Variants in GRIK2 observed in about 807,000 individuals in gnomAD.
The protein encoded by GRIK2 is glutamate ionotropic receptor kainate type subunit 2.
In GRIK2, 32 loss-of-function variants were observed where a neutral mutation model predicts 100.3. The observed-to-expected ratio is 0.32, with a 90% CI of 0.24 to 0.43. GRIK2 has a LOEUF of 0.43. GRIK2 is among the 20% of genes least tolerant of loss of function. The pLI is 1.00. For missense variants in GRIK2, 843 were observed against 1,114.9 expected (o/e 0.76, Z 3.47); for synonymous variants, 417 against 389.4 (o/e 1.07, Z -0.83).
chr6:102,025,937 G>A (rs1257513391), intron 14 of GRIK2, among the ~76,000 whole-genome samples: 1 of 150,578 alleles, frequency 6.6e-6, no homozygotes, highest in Admixed American at 6.7e-5. Context: ...ACCTGAAAAG[G>A]CCTGGCGTTA....
At chr6:101,848,491 A>G (rs1214337729) in intron 10 of GRIK2, among the ~76,000 whole-genome samples, 1 of 152,202 alleles carries the variant, frequency 6.6e-6, no homozygotes, top group East Asian at 1.9e-4. Flanking sequence ...TGTTTCATGA[A>G]TGTATTAATG....
chr6:101,757,012 C>A (rs948094300), intron 7 of GRIK2, among the ~76,000 whole-genome samples: 3 of 152,066 alleles, frequency 2.0e-5, no homozygotes, highest in Non-Finnish European at 4.4e-5. Flanking sequence ...TAAGTAATTA[C>A]TTTGTAAAAA....
At chr6:101,663,468 G>A (rs752093274) in intron 4 of GRIK2, among the ~76,000 whole-genome samples, 2 of 152,178 alleles carry the variant, frequency 1.3e-5, no homozygotes, top group South Asian at 2.1e-4. Flanking sequence ...CTGAGGGTGA[G>A]TCAGTCACAC....
intron 2 of GRIK2, among the ~76,000 whole-genome samples, chr6:101,466,427 G>A (rs556698693): frequency 7.9e-5 from 12 of 151,586 alleles, no homozygotes; most frequent in African/African-American, 2.9e-4. Flanking sequence ...ACAGCCTTAC[G>A]AATGACCAAC....
intron 7 of GRIK2, among the ~76,000 whole-genome samples, chr6:101,706,325 A>C (rs1773295156): frequency 6.6e-6 from 1 of 151,982 alleles, no homozygotes; most frequent in South Asian, 2.1e-4. Context: ...CAGTCTAAAA[A>C]TATAACACCC....
chr6:101,703,780 G>A (rs1242980411), intron 7 of GRIK2, among the ~76,000 whole-genome samples: 1 of 151,426 alleles, frequency 6.6e-6, no homozygotes, highest in Non-Finnish European at 1.5e-5. Flanking sequence ...CTAAGGAAGG[G>A]ACACTTAGAG....
intron 12 of GRIK2, among the ~76,000 whole-genome samples, chr6:101,893,508 T>C (rs1203399547): frequency 1.3e-5 from 2 of 151,798 alleles, no homozygotes; most frequent in African/African-American, 4.8e-5. Context: ...TTCTCAACAT[T>C]ATTAATTTTA....
chr6:102,035,511 G>T lies in GRIK2; in HGVS notation c.2256G>T (p.Leu752=). ...TTGTTACCCAGCGGAACTGTAACCT[G>T]ACACAGATTGGCGGCCTTATAGACT... The part of the protein sequence containing the change: ...IEFVTQRNCN[L]TQIGGLIDSK... The change falls in exon 15 of 17, where the codon CTG becomes CTT. Residue 752 remains leucine, a synonymous_variant. Transcript: ENST00000369134. 6.2e-7 allele frequency: 1 copy of T among 1,610,002 alleles called. No homozygotes were observed. The highest frequency in any genetic ancestry group is 8.5e-7 in the Non-Finnish European group (1 of 1,177,224).
intron 14 of GRIK2, among the ~76,000 whole-genome samples, chr6:102,027,997 C>A (rs2114394531): frequency 6.6e-6 from 1 of 151,214 alleles, no homozygotes; most frequent in East Asian, 1.9e-4. Flanking sequence ...ACTATTCTTA[C>A]ACTGATATTT....
chr6:101,591,321 T>C (rs1778629424), intron 2 of GRIK2, among the ~76,000 whole-genome samples: 1 of 151,824 alleles, frequency 6.6e-6, no homozygotes, highest in Admixed American at 6.6e-5. Flanking sequence ...CCGATCATCC[T>C]TTATGGTCTA....
chr6:101,426,840 C>T (rs929103626), intron 2 of GRIK2, among the ~76,000 whole-genome samples: 2 of 152,166 alleles, frequency 1.3e-5, no homozygotes, highest in Non-Finnish European at 2.9e-5. Flanking sequence ...ACTGCTTGGC[C>T]TGGCATTTAA....
At chr6:101,406,093 A>C (rs938376355) in intron 2 of GRIK2, among the ~76,000 whole-genome samples, 2 of 152,120 alleles carry the variant, frequency 1.3e-5, no homozygotes, top group Non-Finnish European at 2.9e-5. Flanking sequence ...CTCTTGCCTC[A>C]CACCCTTAAA....
chr6:102,066,016 T>G, intron 16 of GRIK2: 1 of 643,026 alleles, frequency 1.6e-6, no homozygotes, highest in Non-Finnish European at 2.4e-6. Flanking sequence ...AATTCATGAA[T>G]TGCAGAACTG....
At chr6:101,560,244 C>T (rs1213194595) in intron 2 of GRIK2, among the ~76,000 whole-genome samples, 1 of 152,048 alleles carries the variant, frequency 6.6e-6, no homozygotes, top group Non-Finnish European at 1.5e-5. Flanking sequence ...TTTTCCTTTA[C>T]TAGTCTGCAG....
At chr6:102,066,885 T>C (rs1459898645) in intron 16 of GRIK2, among the ~76,000 whole-genome samples, 1 of 151,762 alleles carries the variant, frequency 6.6e-6, no homozygotes, top group East Asian at 1.9e-4. Flanking sequence ...AAGGAAACTC[T>C]TTAAGGAGTC....
intron 7 of GRIK2, among the ~76,000 whole-genome samples, chr6:101,775,689 C>T (rs991003535): frequency 1.3e-5 from 2 of 151,262 alleles, no homozygotes; most frequent in Non-Finnish European, 2.9e-5. Flanking sequence ...CATTGTATTT[C>T]TAGGAGGTAA....
intron 2 of GRIK2, among the ~76,000 whole-genome samples, chr6:101,456,857 G>A (rs76244456): frequency 0.048 from 7,304 of 152,124 alleles, 207 homozygotes; most frequent in Admixed American, 0.075. Context: ...GCAAGAAAAA[G>A]TATGATTTTC....
intron 14 of GRIK2, among the ~76,000 whole-genome samples, chr6:102,006,912 T>C (rs1795271716): frequency 6.6e-6 from 1 of 152,118 alleles, no homozygotes; most frequent in Admixed American, 6.6e-5. Context: ...ATTTTCTGGG[T>C]AATTTTAAAT....
chr6:101,742,749 A>G (rs376653995), intron 7 of GRIK2, among the ~76,000 whole-genome samples: 55 of 152,322 alleles, frequency 3.6e-4, no homozygotes, highest in African/African-American at 1.3e-3. Context: ...AAGTTTTACC[A>G]TGCAGATGAA....
Sources: allele counts gnomAD v4.1 joint callset (sites outside exome capture counted in the v4.1 genomes callset), GRCh38; gene constraint gnomAD v4.1.1; transcripts MANE v1.5; gene names NCBI Gene and HGNC (gene_info 2026-07-23, HGNC 2026-07-21).